MINDY2: variants seen among roughly 807,000 people sequenced by gnomAD.
The protein encoded by MINDY2 is ubiquitin carboxyl-terminal hydrolase MINDY-2.
MINDY2 carries 52 observed loss-of-function variants against 68.2 expected under a neutral mutation model. The ratio of observed to expected loss-of-function variants is 0.76; its 90% CI spans 0.61 to 0.96. The LOEUF (loss-of-function observed/expected upper bound fraction) is 0.96. MINDY2 is among the 40% of genes least tolerant of loss of function. MINDY2 has a pLI of 0.00. For missense variants in MINDY2, 881 were observed against 773.4 expected (o/e 1.14, Z -1.65); for synonymous variants, 372 against 303.0 (o/e 1.23, Z -2.36).
At chr15:58,843,040 A>C (rs1164306882) in intron 6 of MINDY2, among the ~76,000 whole-genome samples, 5 of 152,146 alleles carry the variant, frequency 3.3e-5, no homozygotes, top group African/African-American at 1.2e-4. Context: ...TACTTTAGAA[A>C]CTCTCTTAGA....
At chr15:58,843,832 C>CAAAAAA (rs34999651) in intron 6 of MINDY2, among the ~76,000 whole-genome samples, 2 of 84,816 alleles carry the variant, frequency 2.4e-5, no homozygotes, top group African/African-American at 5.2e-5. Flanking sequence ...GACTCTGTCT[C>CAAAAAA]AAAAAAAAAA....
At chr15:58,775,129 G>A (rs1900696839) in intron 1 of MINDY2, among the ~76,000 whole-genome samples, 1 of 152,160 alleles carries the variant, frequency 6.6e-6, no homozygotes, top group Admixed American at 6.5e-5. Flanking sequence ...TCTTACAAGT[G>A]TCCGTGGAGT....
At chr15:58,816,489 C>T (rs1169917382) in intron 4 of MINDY2, among the ~76,000 whole-genome samples, 1 of 152,034 alleles carries the variant, frequency 6.6e-6, no homozygotes, top group Non-Finnish European at 1.5e-5. Context: ...TAGCTCACTG[C>T]AGCCTCAGAT....
At chr15:58,788,530 T>G (rs545701220) in intron 2 of MINDY2, among the ~76,000 whole-genome samples, 57 of 152,322 alleles carry the variant, frequency 3.7e-4, no homozygotes, top group Non-Finnish European at 7.1e-4. Context: ...TCTCTAAGCT[T>G]CTTATTTCAA....
At position 58,851,796 on chromosome 15, in the gene MINDY2, A is replaced by T; in HGVS notation, c.1568A>T (p.Gln523Leu). 6.3e-7 allele frequency: 1 copy of T among 1,593,952 alleles called. No individual in the cohort carries two copies. The highest frequency in any genetic ancestry group is 8.5e-7 in the Non-Finnish European group (1 of 1,174,700). The change falls in exon 8 of 9, where the codon CAA becomes CTA. Residue 523 changes from glutamine to leucine, a missense_variant. By Grantham distance (113) the Gln-to-Leu change is moderately radical. Coordinates refer to ENST00000559228, the MANE Select transcript of MINDY2 (RefSeq NM_001040450.3). ...GATTATCTTATGGCATTATCTCTAC[A>T]ACAAGAACAGCAGAGCCAAGAGATC... ...DQDYLMALSLQQEQQSQEINW... is the reference protein window; with the variant it reads ...DQDYLMALSLLQEQQSQEINW...
At chr15:58,840,094 A>G (rs2032202532) in intron 6 of MINDY2, among the ~76,000 whole-genome samples, 2 of 152,176 alleles carry the variant, frequency 1.3e-5, no homozygotes, top group Non-Finnish European at 2.9e-5. Context: ...TCTGCCTCCC[A>G]AAGTGCTAGG....
chr15:58,856,120 T>C lies in MINDY2; in HGVS notation c.*1510T>C, dbSNP rs1312222005. The C allele has an allele frequency of 8.5e-5, 13 of 152,672 alleles. No individual in the cohort carries two copies. The highest frequency in any genetic ancestry group is 2.9e-4 in the African/African-American group (12 of 41,458). The allele number at this position is 152,672 out of a possible 1,614,324, so 9.5% of individuals were successfully genotyped here. The stretch of plus-strand genomic sequence containing the variant: ...GGAAAACTATCCTTAATAGTCTGTT[T>C]TATATGCCTTATATTTAAAAGTTTG... On this transcript the variant is annotated 3_prime_UTR_variant, in exon 9 of 9. Transcript: ENST00000559228.
At chr15:58,806,230 C>T (rs1005637174) in intron 3 of MINDY2, among the ~76,000 whole-genome samples, 59 of 152,058 alleles carry the variant, frequency 3.9e-4, no homozygotes, top group African/African-American at 1.4e-3. Context: ...TGTGCCACCA[C>T]TCCTGGCTAA....
At chr15:58,844,049 C>G (rs1373411079) in intron 6 of MINDY2, among the ~76,000 whole-genome samples, 8 of 151,902 alleles carry the variant, frequency 5.3e-5, no homozygotes, top group African/African-American at 1.9e-4. Flanking sequence ...ATTTTAAAAA[C>G]TGATGAAATT....
chr15:58,771,911 C>T lies in MINDY2; in HGVS notation c.516C>T (p.Ser172=), dbSNP rs1215555291. The T allele has an allele frequency of 1.9e-6, 3 of 1,557,936 alleles. No individual in the cohort carries two copies. The highest frequency in any genetic ancestry group is 2.6e-6 in the Non-Finnish European group (3 of 1,153,854). The change falls in exon 1 of 9, where the codon AGC becomes AGT. Residue 172 remains serine (S), a synonymous_variant. Transcript: ENST00000559228. ...SDPSPPGESP[S]LDSLESFSNL... ...CGAGCCCTCCTGGGGAATCTCCGAG[C>T]CTGGACTCTCTGGAGTCGTTCTCTA...
intron 2 of MINDY2, among the ~76,000 whole-genome samples, chr15:58,794,359 GTGTGTGTGTGTGT>G (rs1902141814): frequency 5.4e-5 from 1 of 18,424 alleles, no homozygotes; most frequent in Non-Finnish European, 4.3e-4. Flanking sequence ...TTTTTTTGGG[GTGTGTGTGTGTGT>G]GTGTGTGTGT....
At chr15:58,821,444 C>T (rs540089689) in intron 4 of MINDY2, among the ~76,000 whole-genome samples, 1 of 151,610 alleles carries the variant, frequency 6.6e-6, no homozygotes, top group African/African-American at 2.4e-5. Context: ...TGTTTATGAC[C>T]TTAAGAAATA....
chr15:58,845,735 A>G (rs2032498232), intron 6 of MINDY2, among the ~76,000 whole-genome samples: 1 of 152,218 alleles, frequency 6.6e-6, no homozygotes, highest in South Asian at 2.1e-4. Flanking sequence ...TATCAAAGAG[A>G]TATCTGCACT....
chr15:58,789,059 C>T (rs1381119786), intron 2 of MINDY2, among the ~76,000 whole-genome samples: 1 of 151,532 alleles, frequency 6.6e-6, no homozygotes, highest in African/African-American at 2.4e-5. Flanking sequence ...CAACTGGGGC[C>T]GGGCACGGTG....
At chr15:58,821,644 A>G in intron 4 of MINDY2, 73 bp from the exon 5 acceptor site, 1 of 829,608 alleles carries the variant, frequency 1.2e-6, no homozygotes, top group Non-Finnish European at 1.8e-6. Context: ...TAAAATTCTA[A>G]AGAGTGATAT....
At chr15:58,814,089 C>G (rs571342165) in intron 4 of MINDY2, among the ~76,000 whole-genome samples, 2 of 151,972 alleles carry the variant, frequency 1.3e-5, no homozygotes, top group African/African-American at 2.4e-5. Flanking sequence ...AGGCGCCCAC[C>G]ACCATGCCCA....
intron 5 of MINDY2, among the ~76,000 whole-genome samples, chr15:58,826,044 T>C (rs1384292725): frequency 1.3e-5 from 2 of 152,140 alleles, no homozygotes; most frequent in Non-Finnish European, 2.9e-5. Flanking sequence ...GTTTGGCTTA[T>C]TATTATTTTT....
At chr15:58,821,551 A>G (rs1267582038) in intron 4 of MINDY2, among the ~76,000 whole-genome samples, 166 bp from the exon 5 acceptor site, 1 of 152,196 alleles carries the variant, frequency 6.6e-6, no homozygotes, top group Admixed American at 6.5e-5. Context: ...GCTGTAAACA[A>G]ACTTGGAAAC....
Position 58,860,242 on chromosome 15 carries a change from T to G in MINDY2, c.*5632T>G, listed in dbSNP as rs1308028749. On this transcript the variant is annotated 3_prime_UTR_variant, in exon 9 of 9. Coordinates refer to ENST00000559228, the MANE Select transcript of MINDY2 (RefSeq NM_001040450.3). ...TTTTGGAAGGTGATCCTGGCTCCTT[T>G]GGCTCTCATAATTGTTTTATAGCTG... 1 of 152,244 alleles carries G rather than the reference T, an allele frequency of 6.6e-6. No individual in the cohort carries two copies. The highest frequency in any genetic ancestry group is 1.5e-5 in the Non-Finnish European group (1 of 68,062). The allele number at this position is 152,244 out of a possible 1,614,324, so 9.4% of individuals were successfully genotyped here.
Sources: allele counts gnomAD v4.1 joint callset (sites outside exome capture counted in the v4.1 genomes callset), GRCh38; gene constraint gnomAD v4.1.1; transcripts MANE v1.5; gene names NCBI Gene and HGNC (gene_info 2026-07-23, HGNC 2026-07-21).